CNTNAP4: variants seen among roughly 807,000 people sequenced by gnomAD.
The protein encoded by CNTNAP4 is contactin-associated protein-like 4.
A neutral mutation model predicts 148.4 loss-of-function variants in CNTNAP4; 98 were observed. The observed-to-expected ratio is 0.66, with a 90% CI of 0.56 to 0.78. The LOEUF is 0.78. Among genes scored for constraint, CNTNAP4 ranks in the 30% least tolerant of loss-of-function variants. CNTNAP4 has a pLI of 0.00. For synonymous variants in CNTNAP4, 730 were observed against 565.1 expected, an observed-to-expected ratio of 1.29 and a Z score of -4.14; for missense variants, 1,935 against 1,565.6, an observed-to-expected ratio of 1.24 and a Z score of -3.98.
intron 4 of CNTNAP4, among the ~76,000 whole-genome samples, chr16:76,446,378 T>C (rs2080245756): frequency 2.0e-5 from 3 of 152,186 alleles, no homozygotes; most frequent in Non-Finnish European, 4.4e-5. Flanking sequence ...CTCTCAAGGG[T>C]AATTGCCTTA....
At chr16:76,333,549 A>G (rs1485875410) in intron 2 of CNTNAP4, among the ~76,000 whole-genome samples, 1 of 152,146 alleles carries the variant, frequency 6.6e-6, no homozygotes, top group Non-Finnish European at 1.5e-5. Context: ...CGTATTAAAG[A>G]TAGCTGATTT....
At chr16:76,313,269 C>G (rs1192503487) in intron 1 of CNTNAP4, among the ~76,000 whole-genome samples, 1 of 152,146 alleles carries the variant, frequency 6.6e-6, no homozygotes, top group African/African-American at 2.4e-5. Flanking sequence ...AAACATCGAT[C>G]TGAATCTACA....
Position 76,498,642 on chromosome 16 carries a change from A to C in CNTNAP4, c.2313A>C (p.Arg771=). 6.2e-7 allele frequency: 1 copy of C among 1,613,006 alleles called. No individual in the cohort carries two copies. The highest frequency in any genetic ancestry group is 8.5e-7 in the Non-Finnish European group (1 of 1,179,410). The change falls in exon 15 of 24, where the codon CGA becomes CGC. Residue 771 remains arginine (R), a synonymous_variant. Transcript: ENST00000611870. The part of the protein sequence containing the change: ...VTKIVITDTG[R]LHSEAAYKLG... Reference sequence around the variant, plus strand: ...AGATCGTGATTACAGACACAGGCCGACTGCATTCAGAAGCAGCTTATAAAC... The same window carrying C: ...AGATCGTGATTACAGACACAGGCCGCCTGCATTCAGAAGCAGCTTATAAAC...
intron 12 of CNTNAP4, among the ~76,000 whole-genome samples, chr16:76,485,625 T>C (rs953618486): frequency 2.0e-5 from 3 of 152,206 alleles, no homozygotes; most frequent in Admixed American, 2.0e-4. Flanking sequence ...TTAGTTTCCC[T>C]GACTCAGTAA....
chr16:76,283,002 A>G (rs1031686646), intron 1 of CNTNAP4, among the ~76,000 whole-genome samples: 3 of 151,104 alleles, frequency 2.0e-5, no homozygotes, highest in Admixed American at 6.6e-5. Flanking sequence ...AAGAAAATAA[A>G]CCCCCCCACC....
At chr16:76,430,744 G>A (rs1352514420) in intron 4 of CNTNAP4, among the ~76,000 whole-genome samples, 3 of 152,256 alleles carry the variant, frequency 2.0e-5, no homozygotes, top group African/African-American at 7.2e-5. Context: ...TCACTCAAGT[G>A]TAGCACACCT....
intron 17 of CNTNAP4, among the ~76,000 whole-genome samples, chr16:76,525,290 T>A (rs2083669542): frequency 6.6e-6 from 1 of 151,628 alleles, no homozygotes; most frequent in African/African-American, 2.4e-5. Context: ...AAAAACTAAT[T>A]TAAAAAATCA....
chr16:76,373,062 A>C (rs1238618999), intron 3 of CNTNAP4, among the ~76,000 whole-genome samples: 1 of 152,224 alleles, frequency 6.6e-6, no homozygotes, highest in African/African-American at 2.4e-5. Flanking sequence ...GTCACTGTAC[A>C]AACTGAGACT....
intron 3 of CNTNAP4, among the ~76,000 whole-genome samples, chr16:76,411,756 C>T (rs567745057): frequency 1.3e-5 from 2 of 151,228 alleles, no homozygotes; most frequent in African/African-American, 4.8e-5. Context: ...TTTTAAAGTG[C>T]CAAGGACCTA....
intron 8 of CNTNAP4, among the ~76,000 whole-genome samples, chr16:76,453,276 T>C (rs2080589468): frequency 6.6e-6 from 1 of 152,204 alleles, no homozygotes; most frequent in Non-Finnish European, 1.5e-5. Flanking sequence ...GTTGAATACA[T>C]TTTGAGGGGA....
intron 3 of CNTNAP4, among the ~76,000 whole-genome samples, chr16:76,400,131 G>A (rs772703387): frequency 1.2e-4 from 19 of 152,088 alleles, no homozygotes; most frequent in South Asian, 6.2e-4. Context: ...GATCTGGACC[G>A]TCTGGGTATT....
At chr16:76,331,124 G>C (rs1963468995) in intron 2 of CNTNAP4, among the ~76,000 whole-genome samples, 1 of 139,538 alleles carries the variant, frequency 7.2e-6, no homozygotes, top group African/African-American at 2.5e-5. Context: ...AGGTTTAGTT[G>C]ATTTTTTTTT....
intron 1 of CNTNAP4, among the ~76,000 whole-genome samples, chr16:76,293,835 TAAA>T (rs201927804): frequency 3.6e-4 from 53 of 146,090 alleles, no homozygotes; most frequent in African/African-American, 1.3e-3. Context: ...TTTTTTTTTT[TAAA>T]AAAAAGGATA....
intron 12 of CNTNAP4, among the ~76,000 whole-genome samples, chr16:76,484,186 A>AAG (rs1023242398): frequency 1.3e-5 from 2 of 148,354 alleles, no homozygotes; most frequent in South Asian, 2.2e-4. Flanking sequence ...TGTGTGGGGA[A>AAG]AGAGAGAGAG....
intron 12 of CNTNAP4, among the ~76,000 whole-genome samples, chr16:76,483,757 T>C (rs1005465515): frequency 2.6e-5 from 4 of 152,174 alleles, no homozygotes; most frequent in Non-Finnish European, 5.9e-5. Context: ...AATGTTTCCT[T>C]GTTCAGCTCT....
intron 2 of CNTNAP4, among the ~76,000 whole-genome samples, chr16:76,335,154 T>G (rs1313903651): frequency 6.6e-6 from 1 of 152,112 alleles, no homozygotes; most frequent in African/African-American, 2.4e-5. Flanking sequence ...ATCAGTAGAT[T>G]CTGCTTTTCT....
At chr16:76,302,711 C>T (rs1960103874) in intron 1 of CNTNAP4, among the ~76,000 whole-genome samples, 1 of 152,072 alleles carries the variant, frequency 6.6e-6, no homozygotes, top group African/African-American at 2.4e-5. Flanking sequence ...ACTGATACCC[C>T]GTCATATTCA....
intron 8 of CNTNAP4, among the ~76,000 whole-genome samples, chr16:76,459,745 G>A (rs181298496): frequency 6.6e-6 from 1 of 152,166 alleles, no homozygotes; most frequent in African/African-American, 2.4e-5. Flanking sequence ...TTGATCTGCA[G>A]AATCACACAG....
At chr16:76,467,822 A>G (rs1407629233) in intron 10 of CNTNAP4, among the ~76,000 whole-genome samples, 2 of 152,230 alleles carry the variant, frequency 1.3e-5, no homozygotes, top group Non-Finnish European at 2.9e-5. Flanking sequence ...AGATGTATTA[A>G]AAATATGTCA....
Sources: gnomAD v4.1 joint callset for allele counts (sites outside exome capture counted in the v4.1 genomes callset) on GRCh38, gnomAD v4.1.1 for gene constraint, MANE v1.5 for transcripts, NCBI Gene and HGNC (gene_info 2026-07-23, HGNC 2026-07-21) for gene names.